Variants in FBXL20 observed in about 807,000 individuals in gnomAD.
FBXL20 encodes the protein F-box/LRR-repeat protein 20.
A neutral mutation model predicts 64.0 loss-of-function variants in FBXL20; 11 were observed. That is an observed-to-expected ratio of 0.17 (90% CI 0.11 to 0.28). FBXL20 has a LOEUF of 0.28. FBXL20 is among the 10% of genes least tolerant of loss of function. FBXL20 has a pLI of 1.00. For synonymous variants in FBXL20, 184 were observed against 189.0 expected (o/e 0.97, Z 0.22); for missense variants, 303 against 526.2 (o/e 0.58, Z 4.15).
At chr17:39,318,609 G>A (rs188730900) in intron 2 of FBXL20, among the ~76,000 whole-genome samples, 4 of 152,188 alleles carry the variant, frequency 2.6e-5, no homozygotes, top group South Asian at 4.1e-4. Context: ...GCTTGGTGGC[G>A]CATGCCTGTA....
intron 1 of FBXL20, among the ~76,000 whole-genome samples, chr17:39,393,762 A>C (rs1049437488): frequency 6.6e-6 from 1 of 152,232 alleles, no homozygotes; most frequent in African/African-American, 2.4e-5. Flanking sequence ...AATTATTTAA[A>C]CTTTGCTGAA....
At position 39,254,946 on chromosome 17, in the gene FBXL20, AACAAGAGGC is replaced by A. The variant is rs2046681442; in HGVS notation, c.*6505_*6513del. On this transcript the variant is annotated 3_prime_UTR_variant, in exon 15 of 15. Coordinates refer to ENST00000264658, the MANE Select transcript of FBXL20 (RefSeq NM_032875.3). ...TGAACTTCACAAGCACTTATTTAAA[AACAAGAGGC>A]AGAGATGGAAGAAGCGCATATGGAC... 6.6e-6 allele frequency: 1 copy of A among 152,546 alleles called. No individual in the cohort carries two copies. 9.4% of individuals were successfully genotyped at this position (152,546 alleles called of 1,614,324 possible).
intron 1 of FBXL20, among the ~76,000 whole-genome samples, chr17:39,354,461 CCAAA>C (rs1266197170): frequency 6.6e-6 from 1 of 152,126 alleles, no homozygotes; most frequent in African/African-American, 2.4e-5. Flanking sequence ...TCAAAGCATC[CCAAA>C]GCTCAGAATA....
chr17:39,380,879 G>T (rs2048015438), intron 1 of FBXL20, among the ~76,000 whole-genome samples: 1 of 152,240 alleles, frequency 6.6e-6, no homozygotes, highest in African/African-American at 2.4e-5. Context: ...AAACTAGCAG[G>T]CCGGGCGTGG....
At position 39,353,599 on chromosome 17, in the gene FBXL20, C is replaced by CTTATTTATTTAT. The variant is rs376084578; in HGVS notation, c.43-10370_43-10359dup. Among the ~76,000 whole-genome samples the CTTATTTATTTAT allele has an allele frequency of 9.5e-3, 1,327 of 140,310 alleles. 13 individuals are homozygous for CTTATTTATTTAT. The highest frequency in any genetic ancestry group is 0.018 in the East Asian group (86 of 4,796). 92.0% of individuals were successfully genotyped at this position (140,310 alleles called of 152,430 possible). On this transcript the variant is annotated intron_variant, in intron 1 of 14. Transcript: ENST00000264658. Reference sequence around the variant, plus strand: ...CCATGGATAAGGGAGACCACTACACCTTATTTATTTATTTATTTATTTATT... The same window carrying CTTATTTATTTAT: ...CCATGGATAAGGGAGACCACTACACCTTATTTATTTATTTATTTATTTATTTATTTATTTATT...
At chr17:39,298,493 A>G (rs915994198) in intron 5 of FBXL20, among the ~76,000 whole-genome samples, 1 of 152,112 alleles carries the variant, frequency 6.6e-6, no homozygotes, top group Non-Finnish European at 1.5e-5. Flanking sequence ...CTGAGGCAAG[A>G]GGACTGCTTG....
intron 1 of FBXL20, among the ~76,000 whole-genome samples, chr17:39,366,511 A>G (rs1408940658): frequency 6.6e-6 from 1 of 152,006 alleles, no homozygotes; most frequent in Non-Finnish European, 1.5e-5. Context: ...AGTACCCCAT[A>G]TTGTCTCACT....
chr17:39,357,592 G>C (rs922358417), intron 1 of FBXL20, among the ~76,000 whole-genome samples: 19 of 152,246 alleles, frequency 1.2e-4, no homozygotes, highest in Admixed American at 4.6e-4. Context: ...TGTCACCCAG[G>C]CTAGAGTGCG....
intron 1 of FBXL20, among the ~76,000 whole-genome samples, chr17:39,394,787 G>T (rs557498513): frequency 6.6e-6 from 1 of 151,960 alleles, no homozygotes; most frequent in African/African-American, 2.4e-5. Context: ...TCGAACTCCT[G>T]ACCTCAAGTG....
In FBXL20 at chr17:39,259,406, C is replaced by T. The variant is rs1239371672; in HGVS notation, c.*2054G>A. The T allele has an allele frequency of 2.0e-5, 3 of 152,116 alleles. No homozygotes were observed. Among genetic ancestry groups the T allele is most frequent in the Non-Finnish European group, 4.4e-5 (3 of 68,022 alleles). The allele number at this position is 152,116 out of a possible 1,614,324, so 9.4% of individuals were successfully genotyped here. A position where few individuals can be genotyped will look rare whatever the true frequency, so the allele number is the denominator to read the frequency against. Reference sequence around the variant, plus strand: ...GATTGCACATTAATGTCTCAAAGGACACCCCCCGCCAAAATCACCCTACTA... The same window carrying T: ...GATTGCACATTAATGTCTCAAAGGATACCCCCCGCCAAAATCACCCTACTA... On this transcript the variant is annotated 3_prime_UTR_variant, in exon 15 of 15. Transcript: ENST00000264658.
At chr17:39,272,701 C>CAAAAAAAAAAAAAAAAAA (rs56138431) in intron 10 of FBXL20, among the ~76,000 whole-genome samples, 1 of 98,880 alleles carries the variant, frequency 1.0e-5, no homozygotes, top group Non-Finnish European at 2.1e-5. Context: ...AACTCTATCT[C>CAAAAAAAAAAAAAAAAAA]AAAAAAAAAA....
chr17:39,268,883 A>C lies in FBXL20; in HGVS notation c.889-12T>G, dbSNP rs752943392. The C allele has an allele frequency of 6.2e-7, 1 of 1,612,408 alleles. No individual in the cohort carries two copies. The highest frequency in any genetic ancestry group is 1.7e-5 in the Admixed American group (1 of 59,978). ...AGTTCATGGCAATTCTACAAAGTAC[A>C]AAAACAAACACAAACATTACAGTAC... On this transcript the variant is annotated splice_polypyrimidine_tract_variant and intron_variant, in intron 11 of 14. Transcript: ENST00000264658.
At chr17:39,294,358 G>GGCTCCCAA (rs2047066195) in intron 6 of FBXL20, among the ~76,000 whole-genome samples, 1 of 151,724 alleles carries the variant, frequency 6.6e-6, no homozygotes, top group Non-Finnish European at 1.5e-5. Context: ...TACAACCTCT[G>GGCTCCCAA]GCTCCCAAGC....
At chr17:39,306,152 T>TTG (rs1416149822) in intron 2 of FBXL20, among the ~76,000 whole-genome samples, 1 of 114,792 alleles carries the variant, frequency 8.7e-6, no homozygotes, top group Admixed American at 8.3e-5. Flanking sequence ...ATAGAGTGAG[T>TTG]TCTTTTTTTT....
intron 1 of FBXL20, among the ~76,000 whole-genome samples, chr17:39,388,151 C>A (rs544232026): frequency 6.6e-6 from 1 of 151,994 alleles, no homozygotes; most frequent in South Asian, 2.1e-4. Flanking sequence ...TCTTGGTATT[C>A]TTTCTATATT....
At position 39,343,105 on chromosome 17, in the gene FBXL20, A is replaced by G. The variant is rs1206771955; in HGVS notation, c.104+75T>C. On this transcript the variant is annotated intron_variant, in intron 2 of 14. Transcript: ENST00000264658. The stretch of plus-strand genomic sequence containing the variant: ...TACTATACATATATGAAAATTAGCA[A>G]AAAGTTAAAAAATTTTAAACAGGCA... 8 of 1,154,796 alleles carry G rather than the reference A, an allele frequency of 6.9e-6. No individual in the cohort carries two copies. The Admixed American group carries it at 2.1e-4, about 30-fold the overall frequency. 71.5% of individuals were successfully genotyped at this position (1,154,796 alleles called of 1,614,324 possible).
rs1385670898 is a variant in FBXL20 at position 39,260,321 on chromosome 17, C to A, written c.*1139G>T. On this transcript the variant is annotated 3_prime_UTR_variant, in exon 15 of 15. Transcript: ENST00000264658. Reference sequence around the variant, plus strand: ...AACTTGGGTGTTGGGGACTTTCAGGCTCTGTTTTGTGATTTATCATTTTCA... The same window carrying A: ...AACTTGGGTGTTGGGGACTTTCAGGATCTGTTTTGTGATTTATCATTTTCA... 1 of 152,122 alleles carries A rather than the reference C, an allele frequency of 6.6e-6. No individual in the cohort carries two copies. The highest frequency in any genetic ancestry group is 1.5e-5 in the Non-Finnish European group (1 of 68,028). The allele number at this position is 152,122 out of a possible 1,614,324, so 9.4% of individuals were successfully genotyped here. A position where few individuals can be genotyped will look rare whatever the true frequency, so the allele number is the denominator to read the frequency against.
chr17:39,308,811 C>T (rs1404516153), intron 2 of FBXL20, among the ~76,000 whole-genome samples: 2 of 151,940 alleles, frequency 1.3e-5, no homozygotes, highest in African/African-American at 2.4e-5. Context: ...CTGATCCACC[C>T]GCCTCAGCCT....
At chr17:39,293,298 T>C (rs1473877310) in intron 6 of FBXL20, among the ~76,000 whole-genome samples, 1 of 151,894 alleles carries the variant, frequency 6.6e-6, no homozygotes, top group Non-Finnish European at 1.5e-5. Context: ...CTCGGCTCAC[T>C]GCAACCTCCG....
Sources: gnomAD v4.1 joint callset for allele counts (sites outside exome capture counted in the v4.1 genomes callset) on GRCh38, gnomAD v4.1.1 for gene constraint, MANE v1.5 for transcripts, NCBI Gene and HGNC (gene_info 2026-07-23, HGNC 2026-07-21) for gene names.